FHIT: variants seen among roughly 807,000 people sequenced by gnomAD.
FHIT encodes the protein bis(5'-adenosyl)-triphosphatase.
A neutral mutation model predicts 17.9 loss-of-function variants in FHIT; 19 were observed. The observed-to-expected ratio is 1.06, with a 90% CI of 0.74 to 1.56. The LOEUF is 1.56. FHIT is among the 40% of genes most tolerant of loss of function. The probability of loss-of-function intolerance (pLI) is 0.00; values close to 1 mark genes in which losing one functional copy is unlikely to be tolerated. For synonymous variants in FHIT, 81 were observed against 69.7 expected (o/e 1.16, Z -0.81); for missense variants, 248 against 189.2 (o/e 1.31, Z -1.82).
chr3:60,263,636 A>G (rs1253849418), intron 5 of FHIT, among the ~76,000 whole-genome samples: 1 of 151,992 alleles, frequency 6.6e-6, no homozygotes, highest in African/African-American at 2.4e-5. Context: ...TAGCATCACA[A>G]AGCAGATCAG....
chr3:59,824,979 C>G (rs1700924952), intron 8 of FHIT, among the ~76,000 whole-genome samples: 1 of 152,198 alleles, frequency 6.6e-6, no homozygotes, highest in African/African-American at 2.4e-5. Context: ...CCAGCTACTT[C>G]TGCAAAGAGG....
At chr3:60,659,654 GTTA>G (rs2040195445) in intron 4 of FHIT, among the ~76,000 whole-genome samples, 6 of 151,924 alleles carry the variant, frequency 3.9e-5, no homozygotes, top group Admixed American at 2.6e-4. Context: ...GATGTTGCTA[GTTA>G]GTTCATACAT....
chr3:61,206,725 C>T (rs1017824127), intron 1 of FHIT, among the ~76,000 whole-genome samples: 14 of 151,778 alleles, frequency 9.2e-5, no homozygotes, highest in East Asian at 2.0e-4. Flanking sequence ...TGGGCTGAGA[C>T]GATGGGGTTT....
intron 3 of FHIT, among the ~76,000 whole-genome samples, chr3:60,857,928 A>C (rs1396864113): frequency 6.6e-6 from 1 of 152,204 alleles, no homozygotes; most frequent in Non-Finnish European, 1.5e-5. Flanking sequence ...CCATCTCTTA[A>C]AAGGAAAAAT....
intron 4 of FHIT, among the ~76,000 whole-genome samples, chr3:60,772,350 A>T (rs1553723341): frequency 6.8e-6 from 1 of 147,300 alleles, no homozygotes; most frequent in African/African-American, 2.5e-5. Flanking sequence ...ATATATATAT[A>T]TATATTTGAC....
intron 4 of FHIT, among the ~76,000 whole-genome samples, chr3:60,760,154 C>T (rs1699592648): frequency 1.3e-5 from 2 of 152,090 alleles, no homozygotes; most frequent in Non-Finnish European, 2.9e-5. Context: ...ATCTTCATAT[C>T]CTCTCAGAAT....
chr3:61,033,841 A>G (rs2033119455), intron 3 of FHIT, among the ~76,000 whole-genome samples: 1 of 152,222 alleles, frequency 6.6e-6, no homozygotes, highest in African/African-American at 2.4e-5. Context: ...ATCTGTGTAT[A>G]TCAGAATTTC....
intron 5 of FHIT, among the ~76,000 whole-genome samples, chr3:60,384,085 T>C (rs1221670807): frequency 6.6e-6 from 1 of 152,008 alleles, no homozygotes; most frequent in African/African-American, 2.4e-5. Context: ...TTGGCCATCA[T>C]GGTGAAACCC....
rs2041594918 is a variant in FHIT, at chr3:60,713,427, C to A, written c.-18+108492G>T. ...GCAGAAGGCAAGAAATAACTAAAAT[C>A]AGAGCAGAACTGAAGGAAATAGAGA... On this transcript the variant is annotated intron_variant, in intron 4 of 9. Coordinates refer to ENST00000492590, the MANE Select transcript of FHIT (RefSeq NM_002012.4). Among the ~76,000 whole-genome samples the A allele has an allele frequency of 3.3e-5, 5 of 150,204 alleles. No homozygotes were observed. The South Asian group carries it at 1.1e-3, about 33-fold the overall frequency.
chr3:61,176,019 G>A (rs1648127639), intron 2 of FHIT, among the ~76,000 whole-genome samples: 1 of 152,196 alleles, frequency 6.6e-6, no homozygotes, highest in Non-Finnish European at 1.5e-5. Context: ...TAAGCAAATC[G>A]TAATTGACAA....
intron 4 of FHIT, among the ~76,000 whole-genome samples, chr3:60,557,281 C>T (rs1576873447): frequency 6.6e-6 from 1 of 152,128 alleles, no homozygotes; most frequent in Non-Finnish European, 1.5e-5. Context: ...TCCTCCCCAC[C>T]TCCAACAGTG....
At chr3:60,396,548 G>T (rs1701449424) in intron 5 of FHIT, among the ~76,000 whole-genome samples, 1 of 151,934 alleles carries the variant, frequency 6.6e-6, no homozygotes, top group African/African-American at 2.4e-5. Context: ...GACACAAAAA[G>T]TTAATATATT....
chr3:60,903,027 C>A (rs1398438613), intron 3 of FHIT, among the ~76,000 whole-genome samples: 2 of 152,142 alleles, frequency 1.3e-5, no homozygotes, highest in Admixed American at 6.5e-5. Flanking sequence ...TCCTATAAAC[C>A]TGTATTTCCT....
At chr3:59,944,360 T>C (rs1373630272) in intron 7 of FHIT, among the ~76,000 whole-genome samples, 1 of 152,170 alleles carries the variant, frequency 6.6e-6, no homozygotes, top group Non-Finnish European at 1.5e-5. Flanking sequence ...CAAATCACCA[T>C]TGTAATCCTT....
intron 5 of FHIT, among the ~76,000 whole-genome samples, chr3:60,517,594 C>T (rs1224203780): frequency 1.3e-5 from 2 of 152,138 alleles, no homozygotes; most frequent in Admixed American, 6.5e-5. Context: ...TATGGCTTAT[C>T]ATTTTTAAGA....
intron 3 of FHIT, among the ~76,000 whole-genome samples, chr3:60,978,757 A>G (rs560515638): frequency 6.6e-6 from 1 of 152,342 alleles, no homozygotes; most frequent in South Asian, 2.1e-4. Flanking sequence ...ATGAATGACT[A>G]AAGAGCCTAA....
At chr3:60,993,982 G>C (rs1371172804) in intron 3 of FHIT, among the ~76,000 whole-genome samples, 1 of 152,040 alleles carries the variant, frequency 6.6e-6, no homozygotes, top group African/African-American at 2.4e-5. Context: ...TGTGCTGTGA[G>C]TATAAAATAC....
chr3:61,213,398 A>G (rs1009549324), intron 1 of FHIT, among the ~76,000 whole-genome samples: 3 of 152,230 alleles, frequency 2.0e-5, no homozygotes, highest in Non-Finnish European at 4.4e-5. Flanking sequence ...AAAGATCAAA[A>G]GAGAGAAAGA....
intron 2 of FHIT, among the ~76,000 whole-genome samples, chr3:61,080,126 G>A (rs2035090731): frequency 6.6e-6 from 1 of 152,050 alleles, no homozygotes; most frequent in African/African-American, 2.4e-5. Flanking sequence ...TGGCTGATTT[G>A]GTAAGTTTTA....
Sources: gnomAD v4.1 joint callset for allele counts (sites outside exome capture counted in the v4.1 genomes callset) on GRCh38, gnomAD v4.1.1 for gene constraint, MANE v1.5 for transcripts, NCBI Gene and HGNC (gene_info 2026-07-23, HGNC 2026-07-21) for gene names.